Variants in ANKRD36C observed in about 807,000 individuals in gnomAD.
ANKRD36C encodes ankyrin repeat domain-containing protein 36C.
In ANKRD36C, 61 loss-of-function variants were observed where a neutral mutation model predicts 276.4. That is an observed-to-expected ratio of 0.22 (90% CI 0.18 to 0.27). ANKRD36C has a LOEUF of 0.27. Among genes scored for constraint, ANKRD36C ranks in the 10% least tolerant of loss-of-function variants. The pLI, the probability that ANKRD36C is intolerant of heterozygous loss-of-function variation, is 1.00. For missense variants in ANKRD36C, 1,447 were observed against 2,032.3 expected, an observed-to-expected ratio of 0.71 and a Z score of 5.54; for synonymous variants, 483 against 680.1, an observed-to-expected ratio of 0.71 and a Z score of 4.51.
chr2:95,863,430 T>G (rs955776680), intron 60 of ANKRD36C, among the ~76,000 whole-genome samples: 2 of 152,114 alleles, frequency 1.3e-5, no homozygotes, highest in African/African-American at 4.8e-5. Flanking sequence ...ATAATACAAT[T>G]ATACATAAAC....
At chr2:95,980,696 A>G (rs1382794979) in exon 5 of ANKRD36C, 3 of 1,612,622 alleles carry the variant, frequency 1.9e-6, no homozygotes, top group Non-Finnish European at 2.5e-6. Flanking sequence ...CTTTCCATAC[A>G]CATCTCGAGA....
At chr2:95,856,156 C>T in exon 63 of ANKRD36C, 4 of 1,603,642 alleles carry the variant, frequency 2.5e-6, no homozygotes, top group Non-Finnish European at 1.7e-6. Context: ...TGCAGCAGGT[C>T]TTCTTTTTCA....
intron 5 of ANKRD36C, among the ~76,000 whole-genome samples, chr2:95,978,481 C>T (rs2104532150): frequency 6.6e-6 from 1 of 152,164 alleles, no homozygotes; most frequent in South Asian, 2.1e-4. Context: ...CTATAGCCAA[C>T]AGGTATTTGC....
Position 95,919,424 on chromosome 2 carries a change from C to A in ANKRD36C, c.2246-1382G>T, listed in dbSNP as rs1436679417. Among the ~76,000 whole-genome samples the A allele has an allele frequency of 3.0e-5, 4 of 133,282 alleles. 1 individual carries two copies. The highest frequency in any genetic ancestry group is 1.6e-4 in the Admixed American group (2 of 12,570). 87.4% of individuals were successfully genotyped at this position (133,282 alleles called of 152,430 possible). ...CTTTCTCCTTCCACCCTTAGTGAAA[C>A]CATGCTGTAGAATTAATGCAAAACT... On this transcript the variant is annotated intron_variant, in intron 34 of 66. Coordinates refer to ENST00000456556, the Ensembl canonical transcript of ANKRD36C.
rs1222223614 is a variant in ANKRD36C at position 95,910,357 on chromosome 2, C to G, written c.2653+1887G>C. ...ATCTGGACAGAACACGACATTAAAT[C>G]TGTTTTCAAAATTACCTGTCCTAGA... On this transcript the variant is annotated intron_variant, in intron 42 of 66. Coordinates refer to ENST00000456556, the Ensembl canonical transcript of ANKRD36C. The G allele has an allele frequency of 2.6e-6, 4 of 1,531,436 alleles. No homozygotes were observed. The highest frequency in any genetic ancestry group is 3.5e-6 in the Non-Finnish European group (4 of 1,139,268). 94.9% of individuals were successfully genotyped at this position (1,531,436 alleles called of 1,614,324 possible). A position where few individuals can be genotyped will look rare whatever the true frequency, so the allele number is the denominator to read the frequency against.
intron 48 of ANKRD36C, 51 bp downstream of exon 68, chr2:95,889,748 G>T: frequency 1.3e-6 from 2 of 1,529,556 alleles, no homozygotes; most frequent in Non-Finnish European, 1.8e-6. Context: ...GTGAAGAGAA[G>T]ATCTCTTCTA....
intron 10 of ANKRD36C, among the ~76,000 whole-genome samples, chr2:95,959,530 A>T (rs1249306126): frequency 6.6e-6 from 1 of 152,200 alleles, no homozygotes; most frequent in Non-Finnish European, 1.5e-5. Flanking sequence ...AAAGTTACTG[A>T]AAGCATTAGA....
chr2:95,953,923 CA>C lies in ANKRD36C; in HGVS notation c.1203+15del. The C allele has an allele frequency of 6.6e-7, 1 of 1,518,432 alleles. No individual in the cohort carries two copies. Among genetic ancestry groups the C allele is most frequent in the Non-Finnish European group, 8.8e-7 (1 of 1,139,858 alleles). 94.1% of individuals were successfully genotyped at this position (1,518,432 alleles called of 1,614,324 possible). ...ATTCAGAGTGAGAAAATTAATTTCA[CA>C]AGAGAGTACTCTACCTCAGATTCCA... On this transcript the variant is annotated intron_variant, in intron 14 of 66. Transcript: ENST00000456556.
upstream of ANKRD36C, chr2:95,991,813 T>C (rs2579523): frequency 1.3e-3 from 1,367 of 1,070,670 alleles, 1 homozygote; most frequent in Non-Finnish European, 1.2e-3. Flanking sequence ...CCACGGACCT[T>C]CGCACAGACT....
downstream of ANKRD36C, among the ~76,000 whole-genome samples, chr2:95,849,670 G>A (rs1675247417): frequency 6.6e-6 from 1 of 152,164 alleles, no homozygotes; most frequent in Admixed American, 6.5e-5. Context: ...GTAACTAGAT[G>A]GTCCCATCGT....
chr2:95,974,680 T>A (rs1360367197), intron 6 of ANKRD36C, among the ~76,000 whole-genome samples: 2 of 152,002 alleles, frequency 1.3e-5, no homozygotes, highest in African/African-American at 2.4e-5. Context: ...TACTTTAAGT[T>A]TTAGGGTACA....
At chr2:95,891,848 T>C in exon 45 of ANKRD36C, 1 of 1,563,166 alleles carries the variant, frequency 6.4e-7, no homozygotes, top group Non-Finnish European at 8.7e-7. Context: ...GCCTGATGGT[T>C]TCTCAGAAGA....
In ANKRD36C at chr2:95,914,092, C is replaced by A; in HGVS notation, c.2551+16G>T. The A allele has an allele frequency of 1.9e-6, 3 of 1,550,800 alleles. No homozygotes were observed. Among genetic ancestry groups the A allele is most frequent in the Non-Finnish European group, 2.6e-6 (3 of 1,143,702 alleles). ...ATCTCGACTGATCATGACATTAAAT[C>A]TCTTTTCAAAATTACCTCTCCTAGT... On this transcript the variant is annotated intron_variant, in intron 40 of 66. Coordinates refer to ENST00000456556, the Ensembl canonical transcript of ANKRD36C.
At chr2:95,863,316 T>C (rs1675623718) in intron 60 of ANKRD36C, among the ~76,000 whole-genome samples, 1 of 152,118 alleles carries the variant, frequency 6.6e-6, no homozygotes, top group Non-Finnish European at 1.5e-5. Context: ...AATTGCCCTA[T>C]ATCTATAAAA....
chr2:95,917,364 C>T (rs1368537235), intron 36 of ANKRD36C, among the ~76,000 whole-genome samples: 2 of 151,540 alleles, frequency 1.3e-5, no homozygotes, highest in Non-Finnish European at 3.0e-5. Context: ...CTTCTTTTCC[C>T]TCCTTCCTGT....
chr2:95,938,556 T>C lies in ANKRD36C; in HGVS notation c.1633+273A>G, dbSNP rs575385066. Among the ~76,000 whole-genome samples, 31 of 152,268 alleles carry C rather than the reference T, an allele frequency of 2.0e-4. No individual in the cohort carries two copies. In the South Asian group the frequency reaches 5.6e-3, roughly 27 times the overall value. On this transcript the variant is annotated intron_variant, in intron 22 of 66. Coordinates refer to ENST00000456556, the Ensembl canonical transcript of ANKRD36C. ...ATATTTAGTGTCAAAATACACCTAC[T>C]CAAATCCCTAACATGCAAAGGAATT...
At chr2:95,902,684 G>C (rs1018628252) in intron 42 of ANKRD36C, among the ~76,000 whole-genome samples, 2 of 150,270 alleles carry the variant, frequency 1.3e-5, no homozygotes, top group Middle Eastern at 3.4e-3. Flanking sequence ...TTTCAATATG[G>C]GGAAGTGTAT....
chr2:95,908,895 TCTTAGA>T (rs1305452293), intron 42 of ANKRD36C, among the ~76,000 whole-genome samples, 198 bp from the exon 47 acceptor site: 1 of 151,152 alleles, frequency 6.6e-6, no homozygotes, highest in Non-Finnish European at 1.5e-5. Flanking sequence ...CGAAATATAG[TCTTAGA>T]ATTTCAAACA....
At position 95,902,812 on chromosome 2, in the gene ANKRD36C, G is replaced by A. The variant is rs1378433782; in HGVS notation, c.2654-3476C>T. 3.1e-5 allele frequency: 45 copies of A among 1,460,220 alleles called. 2 individuals carry two copies. The highest frequency in any genetic ancestry group is 1.3e-4 in the East Asian group (5 of 39,428). 90.5% of individuals were successfully genotyped at this position (1,460,220 alleles called of 1,614,324 possible). ...AATGTGCAGCTTCAACGAGCCCCCC[G>A]CTGATTTATTCACGGAAGAGAATTT... On this transcript the variant is annotated intron_variant, in intron 42 of 66. Transcript: ENST00000456556.
Sources: allele counts gnomAD v4.1 joint callset (sites outside exome capture counted in the v4.1 genomes callset), GRCh38; gene constraint gnomAD v4.1.1; transcripts MANE v1.5; gene names NCBI Gene and HGNC (gene_info 2026-07-23, HGNC 2026-07-21).